Variants in GPT2 observed in about 807,000 individuals in gnomAD.
GPT2 encodes alanine aminotransferase 2.
In GPT2, 30 loss-of-function variants were observed where a neutral mutation model predicts 56.9. The ratio of observed to expected loss-of-function variants is 0.53; its 90% CI spans 0.39 to 0.72. The LOEUF (loss-of-function observed/expected upper bound fraction) is 0.72. Among genes scored for constraint, GPT2 ranks in the 30% least tolerant of loss-of-function variants. GPT2 has a pLI of 0.00. For missense variants in GPT2, 542 were observed against 703.4 expected (o/e 0.77, Z 2.60); for synonymous variants, 271 against 283.1 (o/e 0.96, Z 0.43).
intron 2 of GPT2, among the ~76,000 whole-genome samples, chr16:46,885,898 T>A (rs529283229): frequency 1.3e-5 from 2 of 152,032 alleles, no homozygotes; most frequent in African/African-American, 4.8e-5. Flanking sequence ...CTAGAGAGAG[T>A]CTGACTGAGA....
chr16:46,894,247 C>T (rs535732273), intron 2 of GPT2, among the ~76,000 whole-genome samples: 1 of 152,352 alleles, frequency 6.6e-6, no homozygotes, highest in East Asian at 1.9e-4. Flanking sequence ...GGCTCTGTTC[C>T]AGGCGTTATT....
chr16:46,929,202 A>G lies in GPT2; in HGVS notation c.*205A>G, dbSNP rs1961481228. 1 of 579,884 alleles carries G rather than the reference A, an allele frequency of 1.7e-6. No homozygotes were observed. The highest frequency in any genetic ancestry group is 3.1e-6 in the Non-Finnish European group (1 of 323,056). The allele number at this position is 579,884 out of a possible 1,614,324, so 35.9% of individuals were successfully genotyped here. On this transcript the variant is annotated 3_prime_UTR_variant, in exon 12 of 12. Coordinates refer to ENST00000340124, the MANE Select transcript of GPT2 (RefSeq NM_133443.4). ...TGAGCAAACAAGCATTCTATATGCAACCAGAGTAGAGGGGACCTGCTCAGC... is the reference window on the plus strand; with the variant it reads ...TGAGCAAACAAGCATTCTATATGCAGCCAGAGTAGAGGGGACCTGCTCAGC...
At chr16:46,894,017 C>T (rs1308641621) in intron 2 of GPT2, among the ~76,000 whole-genome samples, 1 of 152,182 alleles carries the variant, frequency 6.6e-6, no homozygotes, top group Non-Finnish European at 1.5e-5. Flanking sequence ...GTGCTCAGAA[C>T]AGTTTCTTCT....
At chr16:46,890,767 A>G (rs1960570162) in intron 2 of GPT2, among the ~76,000 whole-genome samples, 1 of 152,194 alleles carries the variant, frequency 6.6e-6, no homozygotes, top group Non-Finnish European at 1.5e-5. Context: ...TCCATCCTTT[A>G]CCACACATAG....
intron 2 of GPT2, among the ~76,000 whole-genome samples, chr16:46,887,560 C>G (rs143983771): frequency 5.8e-4 from 88 of 152,210 alleles, no homozygotes; most frequent in African/African-American, 1.9e-3. Flanking sequence ...CTCAGGTTCC[C>G]TAGAGTATAA....
chr16:46,911,415 C>T (rs541690160), intron 6 of GPT2, among the ~76,000 whole-genome samples: 2 of 152,270 alleles, frequency 1.3e-5, no homozygotes, highest in South Asian at 4.2e-4. Context: ...TGAAAACACC[C>T]CTTGAATTCC....
intron 6 of GPT2, among the ~76,000 whole-genome samples, chr16:46,910,937 T>C (rs1453741650): frequency 1.3e-5 from 2 of 152,196 alleles, no homozygotes; most frequent in Non-Finnish European, 2.9e-5. Flanking sequence ...TTTTTTCCCC[T>C]GTTCTTCATT....
chr16:46,917,685 GAC>G (rs57655706), intron 7 of GPT2, among the ~76,000 whole-genome samples: 1 of 151,808 alleles, frequency 6.6e-6, no homozygotes, highest in South Asian at 2.1e-4. Context: ...CATAAATGCA[GAC>G]ACACACACAC....
chr16:46,924,420 A>G lies in GPT2; in HGVS notation c.1244A>G (p.Lys415Arg), dbSNP rs1961359457. 6.2e-7 allele frequency: 1 copy of G among 1,614,248 alleles called. No homozygotes were observed. ...GAGTCGGTCCTGGGTAATCTGGCCA[A>G]AAAAGCAAAGCTGACGGAAGACCTG... The part of the protein sequence containing the change: ...EKESVLGNLA[K>R]KAKLTEDLFN... Residue 415 changes from lysine (K) to arginine (R), a missense_variant, in exon 10 of 12, where the codon AAA (lysine) becomes AGA (arginine). Coordinates refer to ENST00000340124, the MANE Select transcript of GPT2 (RefSeq NM_133443.4).
At chr16:46,895,779 T>C (rs1960674541) in intron 2 of GPT2, among the ~76,000 whole-genome samples, 1 of 152,172 alleles carries the variant, frequency 6.6e-6, no homozygotes, top group Non-Finnish European at 1.5e-5. Context: ...GGGATCCTCC[T>C]GCCTTGGCCT....
intron 11 of GPT2, among the ~76,000 whole-genome samples, chr16:46,928,651 A>G (rs1039073457): frequency 1.3e-5 from 2 of 151,216 alleles, no homozygotes; most frequent in East Asian, 1.9e-4. Context: ...GGCCTTCTGC[A>G]GTAATGGGTG....
At chr16:46,924,292 A>T in intron 9 of GPT2, 97 bp from the exon 10 acceptor site, 1 of 1,366,650 alleles carries the variant, frequency 7.3e-7, no homozygotes, top group East Asian at 2.3e-5. Flanking sequence ...CAAAGTCATC[A>T]TCTGGGATTT....
intron 4 of GPT2, among the ~76,000 whole-genome samples, chr16:46,901,753 C>T (rs1960822079): frequency 6.6e-6 from 1 of 152,142 alleles, no homozygotes; most frequent in African/African-American, 2.4e-5. Context: ...CGGCCCTGTG[C>T]TTACCCTCCT....
intron 2 of GPT2, among the ~76,000 whole-genome samples, chr16:46,889,073 C>T (rs1477667765): frequency 6.6e-6 from 1 of 152,104 alleles, no homozygotes; most frequent in Non-Finnish European, 1.5e-5. Flanking sequence ...GTCACCCAGG[C>T]AGGAGTGCAG....
At chr16:46,896,102 C>T (rs1415277796) in intron 2 of GPT2, among the ~76,000 whole-genome samples, 1 of 152,164 alleles carries the variant, frequency 6.6e-6, no homozygotes, top group Admixed American at 6.5e-5. Context: ...CCTGGGCCGG[C>T]TTTTGTAAGA....
intron 9 of GPT2, 37 bp from the exon 10 acceptor site, chr16:46,924,352 A>G (rs748289641): frequency 5.0e-6 from 8 of 1,611,132 alleles, no homozygotes; most frequent in Non-Finnish European, 6.8e-6. Flanking sequence ...CTTTATCCAG[A>G]GATACTGACT....
chr16:46,926,962 A>T lies in GPT2; in HGVS notation c.1406A>T (p.Lys469Met). The T allele has an allele frequency of 6.2e-7, 1 of 1,606,444 alleles. No homozygotes were observed. Among genetic ancestry groups the T allele is most frequent in the Non-Finnish European group, 8.5e-7 (1 of 1,176,770 alleles). Residue 469 changes from lysine (K) to methionine (M), a missense_variant, in exon 11 of 12, where the codon AAG becomes ATG. Transcript: ENST00000340124. ...QMAPDMFYCMKLLEETGICVV... is the reference protein window; with the variant it reads ...QMAPDMFYCMMLLEETGICVV... ...GCTCCAGACATGTTCTACTGCATGA[A>T]GCTCCTGGAGGAGACTGGCATCTGT...
chr16:46,922,567 AC>A (rs1961313342), intron 9 of GPT2, 151 bp downstream of exon 9: 2 of 681,494 alleles, frequency 2.9e-6, no homozygotes. Flanking sequence ...AGCCTGAACC[AC>A]CCCTATGAGT....
At chr16:46,894,298 G>A (rs951427750) in intron 2 of GPT2, among the ~76,000 whole-genome samples, 1 of 152,164 alleles carries the variant, frequency 6.6e-6, no homozygotes, top group African/African-American at 2.4e-5. Context: ...ACAGCTGTGT[G>A]TTGGTTCCTG....
Sources: allele counts gnomAD v4.1 joint callset (sites outside exome capture counted in the v4.1 genomes callset), GRCh38; gene constraint gnomAD v4.1.1; transcripts MANE v1.5; gene names NCBI Gene and HGNC (gene_info 2026-07-23, HGNC 2026-07-21).